Variants in FAM185A observed in about 807,000 individuals in gnomAD.
The protein encoded by FAM185A is protein FAM185A.
FAM185A carries 21 observed loss-of-function variants against 45.7 expected under a neutral mutation model. That is an observed-to-expected ratio of 0.46 (90% CI 0.33 to 0.66). FAM185A has a LOEUF of 0.66. Ranked by LOEUF, FAM185A falls within the 30% of genes least tolerant of loss-of-function variation. The pLI, the probability that FAM185A is intolerant of heterozygous loss-of-function variation, is 0.03. For synonymous variants in FAM185A, 117 were observed against 194.0 expected, an observed-to-expected ratio of 0.60 and a Z score of 3.30; for missense variants, 305 against 485.4, an observed-to-expected ratio of 0.63 and a Z score of 3.49.
At chr7:102,814,586 T>TC in the FAM185A span, among the ~76,000 whole-genome samples, 1 of 152,236 alleles carries the variant, frequency 6.6e-6, no homozygotes, top group African/African-American at 2.4e-5. Context: ...TAATTCTGCC[T>TC]CTAAGCACAT....
chr7:102,836,118 G>A, the FAM185A span, among the ~76,000 whole-genome samples: 12 of 152,158 alleles, frequency 7.9e-5, no homozygotes, highest in African/African-American at 2.7e-4. Flanking sequence ...TGGACTGCTC[G>A]AATCAAATCT....
At chr7:102,837,926 A>T in the FAM185A span, among the ~76,000 whole-genome samples, 7 of 152,224 alleles carry the variant, frequency 4.6e-5, no homozygotes, top group Non-Finnish European at 8.8e-5. Flanking sequence ...TGAGGGTAGA[A>T]TCCATGTCTA....
chr7:102,833,062 A>G, the FAM185A span: 2 of 1,401,522 alleles, frequency 1.4e-6, no homozygotes, highest in Non-Finnish European at 1.9e-6. Context: ...TGTACATTTC[A>G]GTCCCTGAAA....
the FAM185A span, among the ~76,000 whole-genome samples, chr7:102,847,556 T>C: frequency 6.6e-6 from 1 of 152,166 alleles, no homozygotes; most frequent in African/African-American, 2.4e-5. Flanking sequence ...ACATGGAGTC[T>C]CTTTCTGTCG....
intron 2 of FAM185A, 21 bp downstream of exon 2, chr7:102,751,822 T>A: frequency 6.9e-7 from 1 of 1,444,722 alleles, no homozygotes; most frequent in Non-Finnish European, 9.3e-7. Context: ...TTTCTAATTT[T>A]ATTTCACTAT....
intron 4 of FAM185A, among the ~76,000 whole-genome samples, chr7:102,762,583 A>C (rs1794174930): frequency 6.6e-6 from 1 of 152,204 alleles, no homozygotes; most frequent in South Asian, 2.1e-4. Flanking sequence ...AAACTCTCAG[A>C]TTTTAGTTGT....
At chr7:102,814,922 C>A in the FAM185A span, among the ~76,000 whole-genome samples, 1 of 152,090 alleles carries the variant, frequency 6.6e-6, no homozygotes, top group Non-Finnish European at 1.5e-5. Context: ...GGGTTTATAT[C>A]TTTTGCTTTT....
At chr7:102,834,056 G>A in the FAM185A span, among the ~76,000 whole-genome samples, 9 of 109,634 alleles carry the variant, frequency 8.2e-5, no homozygotes, top group South Asian at 3.0e-4. Flanking sequence ...AAGGAAGGAA[G>A]GAAGGAAGGA....
At chr7:102,829,373 T>C in the FAM185A span, among the ~76,000 whole-genome samples, 2 of 152,222 alleles carry the variant, frequency 1.3e-5, no homozygotes, top group African/African-American at 2.4e-5. Flanking sequence ...CACCTACACT[T>C]GTAGGACAGA....
chr7:102,752,157 G>A (rs2129431632), intron 2 of FAM185A, among the ~76,000 whole-genome samples: 1 of 152,124 alleles, frequency 6.6e-6, no homozygotes, highest in Admixed American at 6.5e-5. Context: ...CTATAAATGT[G>A]CTTAAATATT....
chr7:102,767,638 G>A (rs1794493227), intron 4 of FAM185A, among the ~76,000 whole-genome samples: 2 of 149,830 alleles, frequency 1.3e-5, no homozygotes, highest in Admixed American at 1.3e-4. Context: ...ATATACTTTT[G>A]AGTCTGAACT....
At chr7:102,776,553 G>A (rs1795070074) in intron 5 of FAM185A, among the ~76,000 whole-genome samples, 1 of 151,830 alleles carries the variant, frequency 6.6e-6, no homozygotes, top group African/African-American at 2.4e-5. Flanking sequence ...ATATAAACAA[G>A]CTATTCTTCA....
chr7:102,821,022 T>C, the FAM185A span, among the ~76,000 whole-genome samples: 1 of 152,228 alleles, frequency 6.6e-6, no homozygotes, highest in African/African-American at 2.4e-5. Flanking sequence ...CTCTTATAAA[T>C]AGTGATTGGC....
the FAM185A span, among the ~76,000 whole-genome samples, chr7:102,836,506 T>C: frequency 3.3e-5 from 5 of 152,252 alleles, no homozygotes; most frequent in Non-Finnish European, 7.3e-5. Context: ...CTATCGATGC[T>C]GCTGATTTTC....
the FAM185A span, among the ~76,000 whole-genome samples, chr7:102,822,914 T>C: frequency 1.3e-5 from 2 of 151,982 alleles, no homozygotes; most frequent in African/African-American, 4.8e-5. Context: ...ATACAAAAAT[T>C]AGCTGGGCAT....
the FAM185A span, among the ~76,000 whole-genome samples, chr7:102,844,394 T>C: frequency 6.6e-6 from 1 of 152,038 alleles, no homozygotes; most frequent in Non-Finnish European, 1.5e-5. Flanking sequence ...AAGAGAACAA[T>C]ACATCCTTCA....
At chr7:102,761,779 C>T (rs562089172) in intron 4 of FAM185A, among the ~76,000 whole-genome samples, 2 of 152,070 alleles carry the variant, frequency 1.3e-5, no homozygotes, top group East Asian at 1.9e-4. Context: ...TTCTCCCACC[C>T]CAACCTCCCG....
intron 2 of FAM185A, chr7:102,755,654 C>G (rs1179491465): frequency 1.7e-6 from 1 of 588,104 alleles, no homozygotes; most frequent in Middle Eastern, 4.8e-4. Context: ...TCCTGCCTGT[C>G]CTGTGTCATA....
At chr7:102,751,554 C>A in intron 1 of FAM185A, 138 bp from the exon 2 acceptor site, 8 of 975,244 alleles carry the variant, frequency 8.2e-6, no homozygotes, top group Non-Finnish European at 1.1e-5. Context: ...TGGTAGAAGA[C>A]CCCTTACCTT....
Sources: allele counts gnomAD v4.1 joint callset (sites outside exome capture counted in the v4.1 genomes callset), GRCh38; gene constraint gnomAD v4.1.1; transcripts MANE v1.5; gene names NCBI Gene and HGNC (gene_info 2026-07-23, HGNC 2026-07-21).